HBQ1: variants seen among roughly 807,000 people sequenced by gnomAD.
HBQ1 encodes hemoglobin subunit theta-1.
In HBQ1, 9 loss-of-function variants were observed where a neutral mutation model predicts 8.2. The ratio of observed to expected loss-of-function variants is 1.10; its 90% CI spans 0.66 to 1.92. The LOEUF (loss-of-function observed/expected upper bound fraction) is 1.92, where lower values mean the gene tolerates loss of function less well. Among genes scored for constraint, HBQ1 ranks in the 40% most tolerant of loss-of-function variants. HBQ1 has a pLI of 0.00. For synonymous variants in HBQ1, 102 were observed against 100.0 expected (o/e 1.02, Z -0.12); for missense variants, 216 against 189.3 (o/e 1.14, Z -0.83).
rs743861 is a variant in HBQ1 at position 180,975 on chromosome 16, C to A, written c.301-5C>A. On this transcript the variant is annotated splice_polypyrimidine_tract_variant and splice_region_variant and intron_variant, in intron 2 of 2. Coordinates refer to ENST00000199708, the MANE Select transcript of HBQ1 (RefSeq NM_005331.5). Reference sequence around the variant, plus strand: ...AGGCGAGTGAGCCTTGAGCGCTCGCCGCAGCTCCTGGGCCACTGCCTGCTG... The same window carrying A: ...AGGCGAGTGAGCCTTGAGCGCTCGCAGCAGCTCCTGGGCCACTGCCTGCTG... 1.9e-5 allele frequency: 30 copies of A among 1,603,648 alleles called. No individual in the cohort carries two copies. Among genetic ancestry groups the A allele is most frequent in the Non-Finnish European group, 2.5e-5 (29 of 1,176,288 alleles).
rs743861 is a variant in HBQ1, at chr16:180,975, C to G, written c.301-5C>G. The G allele has an allele frequency of 4.4e-6, 7 of 1,603,648 alleles. No homozygotes were observed. Among genetic ancestry groups the G allele is most frequent in the Middle Eastern group, 1.9e-4 (1 of 5,288 alleles). ...AGGCGAGTGAGCCTTGAGCGCTCGC[C>G]GCAGCTCCTGGGCCACTGCCTGCTG... On this transcript the variant is annotated splice_polypyrimidine_tract_variant and splice_region_variant and intron_variant, in intron 2 of 2. Transcript: ENST00000199708.
At chr16:180,605 C>T in intron 1 of HBQ1, 24 bp downstream of exon 1, 1 of 1,526,392 alleles carries the variant, frequency 6.6e-7, no homozygotes, top group Non-Finnish European at 8.8e-7. Flanking sequence ...GGCGCCCCCG[C>T]CCCCAGGGGC....
In HBQ1 at chr16:180,840, C is replaced by G; in HGVS notation, c.270C>G (p.Cys90Trp). Reference sequence around the variant, plus strand: ...CCGCGCTGAGCCACCTGCACGCGTGCCAGCTGCGAGTGGACCCGGCCAGCT... The same window carrying G: ...CCGCGCTGAGCCACCTGCACGCGTGGCAGCTGCGAGTGGACCCGGCCAGCT... ...ALSALSHLHA[C>W]QLRVDPASFQ... Residue 90 changes from cysteine (C) to tryptophan (W), a missense_variant, in exon 2 of 3, where the codon TGC becomes TGG. Physicochemically the swap from Cys to Trp is radical, Grantham distance 215. Coordinates refer to ENST00000199708, the MANE Select transcript of HBQ1 (RefSeq NM_005331.5). 6.5e-7 allele frequency: 1 copy of G among 1,543,970 alleles called. No individual in the cohort carries two copies. Among genetic ancestry groups the G allele is most frequent in the Non-Finnish European group, 8.7e-7 (1 of 1,148,588 alleles).
chr16:180,519 G>A lies in HBQ1; in HGVS notation c.33G>A (p.Val11=), dbSNP rs1226222493. Residue 11 remains valine (V), a synonymous_variant, in exon 1 of 3, where the codon GTG becomes GTA. Coordinates refer to ENST00000199708, the MANE Select transcript of HBQ1 (RefSeq NM_005331.5). The part of the protein sequence containing the change: MALSAEDRAL[V]RALWKKLGSN... ...TGTCCGCGGAGGACCGGGCGCTGGT[G>A]CGCGCCCTGTGGAAGAAGCTGGGCA... 2 of 1,535,394 alleles carry A rather than the reference G, an allele frequency of 1.3e-6. No individual in the cohort carries two copies. Among genetic ancestry groups the A allele is most frequent in the Admixed American group, 3.9e-5 (2 of 50,802 alleles).
chr16:181,035 G>A lies in HBQ1; in HGVS notation c.356G>A (p.Ser119Asn). 1 of 1,613,134 alleles carries A rather than the reference G, an allele frequency of 6.2e-7. No individual in the cohort carries two copies. Among genetic ancestry groups the A allele is most frequent in the South Asian group, 1.1e-5 (1 of 90,986 alleles). ...TLARHYPGDF[S>N]PALQASLDKF... ...GCCCGGCACTACCCCGGAGACTTCAGCCCCGCGCTGCAGGCGTCGCTGGAC... is the reference window on the plus strand; with the variant it reads ...GCCCGGCACTACCCCGGAGACTTCAACCCCGCGCTGCAGGCGTCGCTGGAC... Residue 119 changes from serine to asparagine, a missense_variant, in exon 3 of 3, where the codon AGC (serine) becomes AAC (asparagine). Transcript: ENST00000199708.
Position 181,056 on chromosome 16 carries a change from T to A in HBQ1, c.377T>A (p.Leu126Gln). The A allele has an allele frequency of 6.2e-7, 1 of 1,613,416 alleles. No homozygotes were observed. Among genetic ancestry groups the A allele is most frequent in the Non-Finnish European group, 8.5e-7 (1 of 1,179,910 alleles). ...TTCAGCCCCGCGCTGCAGGCGTCGC[T>A]GGACAAGTTCCTGAGCCACGTTATC... ...GDFSPALQAS[L>Q]DKFLSHVISA... is the part of the protein sequence containing the mutation. Residue 126 changes from leucine (L) to glutamine (Q), a missense_variant, in exon 3 of 3, where the codon CTG becomes CAG. Coordinates refer to ENST00000199708, the MANE Select transcript of HBQ1 (RefSeq NM_005331.5).
At position 180,722 on chromosome 16, in the gene HBQ1, C is replaced by T. The variant is rs148010777; in HGVS notation, c.152C>T (p.Pro51Leu). Residue 51 changes from proline (P) to leucine (L), a missense_variant, in exon 2 of 3, where the codon CCC becomes CTC. By Grantham distance (98) the Pro-to-Leu change is moderately conservative (BLOSUM62 -3). Transcript: ENST00000199708. ...KTYFSHLDLS[P>L]GSSQVRAHGQ... The stretch of plus-strand genomic sequence containing the variant: ...TACTTCTCCCACCTGGACCTGAGCC[C>T]CGGCTCCTCACAAGTCAGAGCCCAC... 3.9e-5 allele frequency: 62 copies of T among 1,596,178 alleles called. No homozygotes were observed. The African/African-American group carries it at 7.6e-4, about 20-fold the overall frequency.
rs1356167579 is a variant in HBQ1 at position 181,075 on chromosome 16, C to G, written c.396C>G (p.His132Gln). Residue 132 changes from histidine (H) to glutamine (Q), a missense_variant, in exon 3 of 3, where the codon CAC (histidine) becomes CAG (glutamine). His to Gln is a conservative substitution (Grantham distance 24). Transcript: ENST00000199708. The part of the protein sequence containing the change: ...LQASLDKFLS[H>Q]VISALVSEYR ...CGTCGCTGGACAAGTTCCTGAGCCA[C>G]GTTATCTCGGCGCTGGTTTCCGAGT... The G allele has an allele frequency of 1.9e-6, 3 of 1,613,360 alleles. No homozygotes were observed. The African/African-American group carries it at 4.0e-5, about 22-fold the overall frequency.
chr16:180,648 C>A lies in HBQ1; in HGVS notation c.96-18C>A. On this transcript the variant is annotated intron_variant, in intron 1 of 2. Coordinates refer to ENST00000199708, the MANE Select transcript of HBQ1 (RefSeq NM_005331.5). ...CCCCAAGCCCCCCGGACGCGCCTCA[C>A]CCACGTTCCTCTCGCAGGACCTTCC... 6.5e-7 allele frequency: 1 copy of A among 1,544,518 alleles called. No homozygotes were observed. Among genetic ancestry groups the A allele is most frequent in the Non-Finnish European group, 8.7e-7 (1 of 1,146,422 alleles).
rs1321366471 is a variant in HBQ1, at chr16:180,500, C to G, written c.14C>G (p.Ala5Gly). MALSAEDRALVRALW... is the reference protein window; with the variant it reads MALSGEDRALVRALW... The stretch of plus-strand genomic sequence containing the variant: ...TCCAGCGCGGGGATGGCGCTGTCCG[C>G]GGAGGACCGGGCGCTGGTGCGCGCC... The change falls in exon 1 of 3, where the codon GCG (alanine) becomes GGG (glycine). Residue 5 changes from alanine to glycine, a missense_variant. Coordinates refer to ENST00000199708, the MANE Select transcript of HBQ1 (RefSeq NM_005331.5). 2 of 1,526,622 alleles carry G rather than the reference C, an allele frequency of 1.3e-6. No homozygotes were observed. Among genetic ancestry groups the G allele is most frequent in the Admixed American group, 2.0e-5 (1 of 50,248 alleles). 94.6% of individuals were successfully genotyped at this position (1,526,622 alleles called of 1,614,324 possible). A position where few individuals can be genotyped will look rare whatever the true frequency, so the allele number is the denominator to read the frequency against.
rs1418966397 is a variant in HBQ1 at position 181,139 on chromosome 16, G to A, written c.*31G>A. The stretch of plus-strand genomic sequence containing the variant: ...GGGTGGGTGGCCGCGGGATCCCCAG[G>A]CGACCTTCCCCGTGTTTGAGTAAAG... On this transcript the variant is annotated 3_prime_UTR_variant, in exon 3 of 3. Transcript: ENST00000199708. 3.1e-6 allele frequency: 5 copies of A among 1,611,078 alleles called. No individual in the cohort carries two copies. The highest frequency in any genetic ancestry group is 4.2e-6 in the Non-Finnish European group (5 of 1,178,818).
At position 180,554 on chromosome 16, in the gene HBQ1, G is replaced by T; in HGVS notation, c.68G>T (p.Gly23Val). 1.3e-6 allele frequency: 2 copies of T among 1,540,414 alleles called. No individual in the cohort carries two copies. The highest frequency in any genetic ancestry group is 1.7e-6 in the Non-Finnish European group (2 of 1,145,968). Residue 23 changes from glycine (G) to valine (V), a missense_variant, in exon 1 of 3, where the codon GGC (glycine) becomes GTC (valine). Gly to Val is a moderately radical substitution (Grantham distance 109, BLOSUM62 -3). Transcript: ENST00000199708. ...TGGAAGAAGCTGGGCAGCAACGTCGGCGTCTACACGACAGAGGCCCTGGAA... is the reference window on the plus strand; with the variant it reads ...TGGAAGAAGCTGGGCAGCAACGTCGTCGTCTACACGACAGAGGCCCTGGAA... The part of the protein sequence containing the change: ...ALWKKLGSNV[G>V]VYTTEALERT...
rs915862279 is a variant in HBQ1, at chr16:180,756, G to A, written c.186G>A (p.Lys62=). Reference sequence around the variant, plus strand: ...CACAAGTCAGAGCCCACGGCCAGAAGGTGGCGGACGCGCTGAGCCTCGCCG... The same window carrying A: ...CACAAGTCAGAGCCCACGGCCAGAAAGTGGCGGACGCGCTGAGCCTCGCCG... ...GSSQVRAHGQ[K]VADALSLAVE... The change falls in exon 2 of 3, where the codon AAG becomes AAA. Residue 62 remains lysine (K), a synonymous_variant. Coordinates refer to ENST00000199708, the MANE Select transcript of HBQ1 (RefSeq NM_005331.5). The A allele has an allele frequency of 1.9e-6, 3 of 1,582,026 alleles. No individual in the cohort carries two copies. Among genetic ancestry groups the A allele is most frequent in the Non-Finnish European group, 2.6e-6 (3 of 1,166,102 alleles).
At chr16:180,956 G>C in intron 2 of HBQ1, 24 bp from the exon 3 acceptor site, 1 of 1,573,422 alleles carries the variant, frequency 6.4e-7, no homozygotes, top group Non-Finnish European at 8.6e-7. Flanking sequence ...GTGCAGGCGA[G>C]TGAGCCTTGA....
Position 180,570 on chromosome 16 carries a change from G to A in HBQ1, c.84G>A (p.Glu28=). 1 of 1,541,430 alleles carries A rather than the reference G, an allele frequency of 6.5e-7. No individual in the cohort carries two copies. Among genetic ancestry groups the A allele is most frequent in the Non-Finnish European group, 8.7e-7 (1 of 1,145,878 alleles). ...GCAACGTCGGCGTCTACACGACAGAGGCCCTGGAAAGGTGCGGCAGGCTGG... is the reference window on the plus strand; with the variant it reads ...GCAACGTCGGCGTCTACACGACAGAAGCCCTGGAAAGGTGCGGCAGGCTGG... ...LGSNVGVYTT[E]ALERTFLAFP... The change falls in exon 1 of 3, where the codon GAG becomes GAA. Residue 28 remains glutamate, a synonymous_variant. Transcript: ENST00000199708.
At position 181,106 on chromosome 16, in the gene HBQ1, T is replaced by A. The variant is rs1305672540; in HGVS notation, c.427T>A (p.Ter143ArgextTer18). The A allele has an allele frequency of 2.5e-6, 4 of 1,612,744 alleles. No homozygotes were observed. The African/African-American group carries it at 5.3e-5, about 22-fold the overall frequency. ...VISALVSEYR[*>R] ...CTCGGCGCTGGTTTCCGAGTACCGC[T>A]GAACTGTGGGTGGGTGGCCGCGGGA... is the stretch of plus-strand genomic sequence containing the variant. Residue 143 changes from the stop codon to arginine (R), a stop_lost, in exon 3 of 3, where the codon TGA becomes AGA. Transcript: ENST00000199708.
Position 181,007 on chromosome 16 carries a change from C to G in HBQ1, c.328C>G (p.Leu110Val). ...CCTGGGCCACTGCCTGCTGGTAACC[C>G]TCGCCCGGCACTACCCCGGAGACTT... ...QLLGHCLLVT[L>V]ARHYPGDFSP... Residue 110 changes from leucine (L) to valine (V), a missense_variant, in exon 3 of 3, where the codon CTC becomes GTC. Leu to Val is a conservative substitution (Grantham distance 32). Transcript: ENST00000199708. The G allele has an allele frequency of 6.2e-7, 1 of 1,611,954 alleles. No individual in the cohort carries two copies. Among genetic ancestry groups the G allele is most frequent in the Non-Finnish European group, 8.5e-7 (1 of 1,179,594 alleles).
chr16:180,716 T>C lies in HBQ1; in HGVS notation c.146T>C (p.Leu49Pro), dbSNP rs1236003428. 1 of 1,596,094 alleles carries C rather than the reference T, an allele frequency of 6.3e-7. No individual in the cohort carries two copies. The stretch of plus-strand genomic sequence containing the variant: ...AAGACCTACTTCTCCCACCTGGACC[T>C]GAGCCCCGGCTCCTCACAAGTCAGA... ...ATKTYFSHLD[L>P]SPGSSQVRAH... Residue 49 changes from leucine (L) to proline (P), a missense_variant, in exon 2 of 3, where the codon CTG becomes CCG. By Grantham distance (98) the Leu-to-Pro change is moderately conservative (BLOSUM62 -3). Coordinates refer to ENST00000199708, the MANE Select transcript of HBQ1 (RefSeq NM_005331.5).
At position 181,006 on chromosome 16, in the gene HBQ1, C is replaced by G; in HGVS notation, c.327C>G (p.Thr109=). 1 of 1,611,932 alleles carries G rather than the reference C, an allele frequency of 6.2e-7. No individual in the cohort carries two copies. Among genetic ancestry groups the G allele is most frequent in the African/African-American group, 1.3e-5 (1 of 74,948 alleles). The stretch of plus-strand genomic sequence containing the variant: ...TCCTGGGCCACTGCCTGCTGGTAAC[C>G]CTCGCCCGGCACTACCCCGGAGACT... The part of the protein sequence containing the change: ...FQLLGHCLLV[T]LARHYPGDFS... Residue 109 remains threonine (T), a synonymous_variant, in exon 3 of 3, where the codon ACC becomes ACG. Coordinates refer to ENST00000199708, the MANE Select transcript of HBQ1 (RefSeq NM_005331.5).
Sources: gnomAD v4.1 joint callset for allele counts on GRCh38, gnomAD v4.1.1 for gene constraint, MANE v1.5 for transcripts, NCBI Gene and HGNC (gene_info 2026-07-23, HGNC 2026-07-21) for gene names.